The following PRKN variants were observed in gnomAD, a reference collection of about 807,000 sequenced individuals.
PRKN encodes the protein E3 ubiquitin-protein ligase parkin.
Under a neutral mutation model 59.5 loss-of-function variants are expected in PRKN, and 56 were observed. That is an observed-to-expected ratio of 0.94 (90% confidence interval 0.76 to 1.18). The LOEUF (loss-of-function observed/expected upper bound fraction) is 1.18, where lower values mean the gene tolerates loss of function less well. Ranked by LOEUF, PRKN falls within the 50% of genes most tolerant of loss-of-function variation. PRKN has a pLI of 0.00. For synonymous variants in PRKN, 250 were observed against 222.1 expected, an observed-to-expected ratio of 1.13 and a Z score of -1.12; for missense variants, 657 against 596.4, an observed-to-expected ratio of 1.10 and a Z score of -1.06.
At chr6:162,208,266 G>C (rs1785044439) in intron 3 of PRKN, among the ~76,000 whole-genome samples, 1 of 152,142 alleles carries the variant, frequency 6.6e-6, no homozygotes, top group Admixed American at 6.5e-5. Flanking sequence ...CTTAACTCCT[G>C]TGGAGTAACC....
intron 4 of PRKN, among the ~76,000 whole-genome samples, chr6:162,055,362 T>C (rs1354544468): frequency 1.3e-5 from 2 of 152,178 alleles, no homozygotes; most frequent in Non-Finnish European, 2.9e-5. Flanking sequence ...ATTCTGTGCC[T>C]GACCTAATTA....
chr6:162,076,694 T>C (rs1259169952), intron 4 of PRKN, among the ~76,000 whole-genome samples: 1 of 152,154 alleles, frequency 6.6e-6, no homozygotes, highest in African/African-American at 2.4e-5. Context: ...TTCTCACAGG[T>C]TTCCGCAAGA....
chr6:162,347,966 TGA>T (rs1206358590), intron 2 of PRKN, among the ~76,000 whole-genome samples: 1 of 152,168 alleles, frequency 6.6e-6, no homozygotes, highest in African/African-American at 2.4e-5. Flanking sequence ...GAGATAAAGC[TGA>T]GAGTTGAGGG....
chr6:161,660,157 A>G (rs2128165139), intron 7 of PRKN, among the ~76,000 whole-genome samples: 1 of 152,288 alleles, frequency 6.6e-6, no homozygotes, highest in East Asian at 1.9e-4. Context: ...TTACTTAATT[A>G]GAAGGGTAGC....
At chr6:161,939,119 G>C (rs1006720437) in intron 6 of PRKN, among the ~76,000 whole-genome samples, 1 of 152,048 alleles carries the variant, frequency 6.6e-6, no homozygotes, top group African/African-American at 2.4e-5. Context: ...TCAGAAGCTG[G>C]ATAGAAAAAA....
intron 2 of PRKN, among the ~76,000 whole-genome samples, chr6:162,373,315 A>G (rs773685990): frequency 6.6e-6 from 1 of 152,204 alleles, no homozygotes; most frequent in Non-Finnish European, 1.5e-5. Context: ...CTTATTGGTC[A>G]ATAAGTAGTA....
intron 6 of PRKN, among the ~76,000 whole-genome samples, chr6:161,791,938 CTCTG>C (rs1364651013): frequency 6.6e-6 from 1 of 152,298 alleles, no homozygotes; most frequent in East Asian, 1.9e-4. Flanking sequence ...ACACCGCAGC[CTCTG>C]TCTGTGCTCT....
intron 6 of PRKN, among the ~76,000 whole-genome samples, chr6:161,898,614 G>A (rs981225374): frequency 1.3e-4 from 20 of 152,256 alleles, no homozygotes; most frequent in Middle Eastern, 6.8e-3. Context: ...CTAAAGTTGC[G>A]GGCATCTTTG....
At chr6:162,718,198 C>CA (rs11461658) in intron 1 of PRKN, among the ~76,000 whole-genome samples, 121,942 of 151,756 alleles carry the variant, frequency 0.8, 49,181 homozygotes, top group East Asian at 0.96. Flanking sequence ...TGTTTTAAGA[C>CA]AAAAAAAATC....
At chr6:161,449,950 G>C (rs569196626) in intron 9 of PRKN, among the ~76,000 whole-genome samples, 2 of 152,224 alleles carry the variant, frequency 1.3e-5, no homozygotes, top group South Asian at 4.2e-4. Flanking sequence ...AGAGCCAACG[G>C]TGCCTGCCTC....
At chr6:162,040,205 CA>C (rs1468906139) in intron 5 of PRKN, among the ~76,000 whole-genome samples, 1 of 152,244 alleles carries the variant, frequency 6.6e-6, no homozygotes, top group East Asian at 1.9e-4. Context: ...GTCTCTCCAG[CA>C]CAGAAGCGGT....
intron 9 of PRKN, among the ~76,000 whole-genome samples, chr6:161,476,044 G>A (rs940841707): frequency 1.3e-5 from 2 of 151,808 alleles, no homozygotes; most frequent in Admixed American, 6.6e-5. Flanking sequence ...AAAATTAGCC[G>A]GGCGTGGTGG....
At position 161,364,625 on chromosome 6, in the gene PRKN, C is replaced by T. The variant is rs1225247630; in HGVS notation, c.1168-4420G>A. The stretch of plus-strand genomic sequence containing the variant: ...AATACTGATTGTCTAAAACTGTAAA[C>T]GATGCTTAATTTGCTGGTTAAAAAA... On this transcript the variant is annotated intron_variant, in intron 10 of 11. Transcript: ENST00000366898. Among the ~76,000 whole-genome samples, 5 of 151,036 alleles carry T rather than the reference C, an allele frequency of 3.3e-5. 1 individual carries two copies. Among genetic ancestry groups the T allele is most frequent in the South Asian group, 4.2e-4 (2 of 4,800 alleles).
intron 3 of PRKN, among the ~76,000 whole-genome samples, chr6:162,223,119 T>C (rs1036928321): frequency 6.6e-6 from 1 of 151,716 alleles, no homozygotes; most frequent in Non-Finnish European, 1.5e-5. Context: ...TTTGGTTTTT[T>C]GTCCTTGCGA....
chr6:161,953,808 C>T (rs142670309), intron 6 of PRKN, among the ~76,000 whole-genome samples: 3 of 152,270 alleles, frequency 2.0e-5, no homozygotes, highest in South Asian at 2.1e-4. Context: ...GCTAGCACGA[C>T]GCACCCTGAA....
chr6:162,591,535 G>T (rs1781308092), intron 1 of PRKN, among the ~76,000 whole-genome samples: 1 of 152,054 alleles, frequency 6.6e-6, no homozygotes, highest in Non-Finnish European at 1.5e-5. Context: ...AGAAAAAAAT[G>T]ACTAAAAGGA....
chr6:162,376,505 C>G lies in PRKN; in HGVS notation c.171+66805G>C, dbSNP rs1285852140. Among the ~76,000 whole-genome samples, 3 of 151,522 alleles carry G rather than the reference C, an allele frequency of 2.0e-5. No homozygotes were observed. In the East Asian group the frequency reaches 5.9e-4, roughly 30 times the overall value. ...ACGCAGCCACTGTGCAAAGATGACC[C>G]TACTCTCCTTGGCACTGAGGAGCCG... On this transcript the variant is annotated intron_variant, in intron 2 of 11. Coordinates refer to ENST00000366898, the MANE Select transcript of PRKN (RefSeq NM_004562.3).
chr6:162,125,966 T>C (rs1233296603), intron 4 of PRKN, among the ~76,000 whole-genome samples: 1 of 152,164 alleles, frequency 6.6e-6, no homozygotes, highest in Non-Finnish European at 1.5e-5. Context: ...ATGGATGATG[T>C]TTCATTGCCA....
At chr6:161,698,967 T>C (rs557327088) in intron 7 of PRKN, among the ~76,000 whole-genome samples, 2 of 152,218 alleles carry the variant, frequency 1.3e-5, no homozygotes, top group African/African-American at 4.8e-5. Flanking sequence ...AACCTTTACC[T>C]TGGGAGAAAA....
Sources: allele counts gnomAD v4.1 joint callset (sites outside exome capture counted in the v4.1 genomes callset), GRCh38; gene constraint gnomAD v4.1.1; transcripts MANE v1.5; gene names NCBI Gene and HGNC (gene_info 2026-07-23, HGNC 2026-07-21).